Variants in CSMD1 observed in about 807,000 individuals in gnomAD.
The protein encoded by CSMD1 is CUB and sushi domain-containing protein 1.
CSMD1 carries 213 observed loss-of-function variants against 417.5 expected under a neutral mutation model. That is an observed-to-expected ratio of 0.51 (90% CI 0.46 to 0.57). CSMD1 has a LOEUF of 0.57. Ranked by LOEUF, CSMD1 falls within the 20% of genes least tolerant of loss-of-function variation. The pLI, the probability that CSMD1 is intolerant of heterozygous loss-of-function variation, is 0.00. For missense variants in CSMD1, 6,923 were observed against 4,529.7 expected, an observed-to-expected ratio of 1.53 and a Z score of -15.17; for synonymous variants, 2,862 against 1,736.8, an observed-to-expected ratio of 1.65 and a Z score of -16.11.
intron 5 of CSMD1, among the ~76,000 whole-genome samples, chr8:3,874,619 T>C (rs897814654): frequency 2.0e-5 from 3 of 152,126 alleles, no homozygotes; most frequent in African/African-American, 4.8e-5. Context: ...AAGTCTCACA[T>C]GTGGAATATG....
chr8:3,059,021 T>G (rs770435451), intron 49 of CSMD1, among the ~76,000 whole-genome samples: 1 of 151,920 alleles, frequency 6.6e-6, no homozygotes, highest in Non-Finnish European at 1.5e-5. Context: ...GGAGGATGTG[T>G]TGGTGATTTT....
chr8:4,472,028 C>A (rs1211438689), intron 2 of CSMD1, among the ~76,000 whole-genome samples: 1 of 152,148 alleles, frequency 6.6e-6, no homozygotes, highest in Admixed American at 6.5e-5. Flanking sequence ...AATTTTTTAA[C>A]TAGAAATAAT....
chr8:4,308,247 T>G (rs979712784), intron 3 of CSMD1, among the ~76,000 whole-genome samples: 8 of 152,044 alleles, frequency 5.3e-5, no homozygotes, highest in Admixed American at 3.9e-4. Context: ...TGTATAGTTT[T>G]TTTTATGTGT....
At chr8:4,342,199 CTGTGTCTGTGTGTGTGTGTGTGTGTGTG>C (rs35862914) in intron 3 of CSMD1, among the ~76,000 whole-genome samples, 7 of 12,508 alleles carry the variant, frequency 5.6e-4, no homozygotes, top group South Asian at 1.6e-3. Context: ...GGCAGCAGTG[CTGTGTCTGTGTGTGTGTGTGTGTGTGTG>C]TGTGTCTGTG....
chr8:3,195,660 G>A (rs1415832891), intron 33 of CSMD1, among the ~76,000 whole-genome samples: 1 of 152,142 alleles, frequency 6.6e-6, no homozygotes, highest in Admixed American at 6.5e-5. Context: ...TACAAGACCA[G>A]GGAATTTAGG....
intron 10 of CSMD1, among the ~76,000 whole-genome samples, chr8:3,541,685 G>C (rs1798444839): frequency 6.7e-6 from 1 of 149,142 alleles, no homozygotes. Flanking sequence ...CCTATAATTA[G>C]TACTAGTTCA....
intron 5 of CSMD1, among the ~76,000 whole-genome samples, chr8:3,872,689 C>G (rs7814216): frequency 6.6e-6 from 1 of 152,010 alleles, no homozygotes; most frequent in Non-Finnish European, 1.5e-5. Flanking sequence ...TGAAGAGCCT[C>G]GTGCTACTTA....
At chr8:4,458,722 G>GA (rs1799633141) in intron 2 of CSMD1, among the ~76,000 whole-genome samples, 1 of 152,084 alleles carries the variant, frequency 6.6e-6, no homozygotes, top group East Asian at 1.9e-4. Context: ...TTATTAGTGG[G>GA]AAAAATATTC....
chr8:3,664,322 T>G (rs759484007), intron 7 of CSMD1, among the ~76,000 whole-genome samples: 14 of 152,208 alleles, frequency 9.2e-5, no homozygotes, highest in Admixed American at 2.6e-4. Context: ...CTCAGAATGA[T>G]GTTTTCCAGC....
Position 3,235,104 on chromosome 8 carries a change from C to G in CSMD1, c.4154-4873G>C, listed in dbSNP as rs1018872610. On this transcript the variant is annotated intron_variant, in intron 26 of 69. Transcript: ENST00000635120. ...CAGTTTATATAGGTTAAAAAATTAA[C>G]AATAAGTGTATAATATTAAAATAAT... 2.6e-5 allele frequency among the ~76,000 whole-genome samples: 4 copies of G among 152,144 alleles called. No individual in the cohort carries two copies. In the South Asian group the frequency reaches 8.3e-4, roughly 32 times the overall value.
chr8:4,964,167 G>A (rs1248431506), intron 1 of CSMD1, among the ~76,000 whole-genome samples: 1 of 151,962 alleles, frequency 6.6e-6, no homozygotes, highest in South Asian at 2.1e-4. Flanking sequence ...GACCAAGGAG[G>A]AGATAAGAGA....
intron 60 of CSMD1, 38 bp from the exon 61 acceptor site, chr8:2,962,677 T>A: frequency 6.3e-7 from 1 of 1,593,760 alleles, no homozygotes; most frequent in South Asian, 1.1e-5. Flanking sequence ...GCCTTCAACG[T>A]CCCTGGATCA....
chr8:3,987,294 A>G (rs1165398140), intron 5 of CSMD1, among the ~76,000 whole-genome samples: 1 of 152,202 alleles, frequency 6.6e-6, no homozygotes, highest in Admixed American at 6.5e-5. Context: ...ATGTTCTGTG[A>G]TGACCTCACT....
chr8:3,973,287 C>CAAAT (rs1466110920), intron 5 of CSMD1, among the ~76,000 whole-genome samples: 1 of 152,114 alleles, frequency 6.6e-6, no homozygotes, highest in African/African-American at 2.4e-5. Flanking sequence ...TTAGGGTTCT[C>CAAAT]CCACCTGCCG....
At chr8:4,025,107 C>T (rs904947550) in intron 4 of CSMD1, among the ~76,000 whole-genome samples, 1 of 152,188 alleles carries the variant, frequency 6.6e-6, no homozygotes, top group African/African-American at 2.4e-5. Context: ...TAAAAGGGGA[C>T]ACCGAAGGGG....
intron 5 of CSMD1, among the ~76,000 whole-genome samples, chr8:3,910,071 GCTGCTAA>G (rs1326468804): frequency 2.6e-5 from 4 of 152,142 alleles, no homozygotes; most frequent in Non-Finnish European, 5.9e-5. Context: ...GCAAAGACCA[GCTGCTAA>G]CATGGCATTG....
chr8:4,968,105 T>G (rs1238700083), intron 1 of CSMD1, among the ~76,000 whole-genome samples: 2 of 152,130 alleles, frequency 1.3e-5, no homozygotes, highest in African/African-American at 4.8e-5. Flanking sequence ...GGATTTCCAT[T>G]CAAATATGAA....
intron 10 of CSMD1, among the ~76,000 whole-genome samples, chr8:3,503,747 CCT>C (rs905540466): frequency 2.6e-5 from 4 of 152,142 alleles, no homozygotes; most frequent in African/African-American, 9.7e-5. Context: ...CTTAGTTTTC[CCT>C]GTCTCAGCCC....
At chr8:4,255,979 C>A (rs564122072) in intron 3 of CSMD1, among the ~76,000 whole-genome samples, 1 of 152,140 alleles carries the variant, frequency 6.6e-6, no homozygotes, top group Non-Finnish European at 1.5e-5. Flanking sequence ...GGTGAAAATA[C>A]GACTACGTGC....
Sources: gnomAD v4.1 joint callset for allele counts (sites outside exome capture counted in the v4.1 genomes callset) on GRCh38, gnomAD v4.1.1 for gene constraint, MANE v1.5 for transcripts, NCBI Gene and HGNC (gene_info 2026-07-23, HGNC 2026-07-21) for gene names.